Variants in DSCAML1 observed in about 807,000 individuals in gnomAD.
DSCAML1 encodes DS cell adhesion molecule like 1, also known as cell adhesion molecule DSCAML1.
Under a neutral mutation model 200.5 loss-of-function variants are expected in DSCAML1, and 38 were observed. That is an observed-to-expected ratio of 0.19 (90% CI 0.15 to 0.25). The LOEUF is 0.25. Ranked by LOEUF, DSCAML1 falls within the 10% of genes least tolerant of loss-of-function variation. DSCAML1 has a pLI of 1.00. For missense variants in DSCAML1, 2,223 were observed against 2,858.8 expected (o/e 0.78, Z 5.07); for synonymous variants, 1,215 against 1,165.0 (o/e 1.04, Z -0.87).
At chr11:117,533,085 A>C (rs1260888137) in intron 3 of DSCAML1, among the ~76,000 whole-genome samples, 1 of 152,138 alleles carries the variant, frequency 6.6e-6, no homozygotes, top group Non-Finnish European at 1.5e-5. Context: ...GGCTGCAGTG[A>C]GCCATGATCA....
At chr11:117,546,104 G>T (rs2050368476) in intron 3 of DSCAML1, among the ~76,000 whole-genome samples, 1 of 152,214 alleles carries the variant, frequency 6.6e-6, no homozygotes, top group Non-Finnish European at 1.5e-5. Flanking sequence ...CCCCCTTTCT[G>T]CACTGTAAAG....
At chr11:117,796,827 C>T (rs1049960364) in intron 1 of DSCAML1, among the ~76,000 whole-genome samples, 11 of 152,154 alleles carry the variant, frequency 7.2e-5, no homozygotes, top group Non-Finnish European at 1.6e-4. Context: ...AAACGGCAGA[C>T]GCGGGTGGCT....
At chr11:117,539,334 G>A (rs932956153) in intron 3 of DSCAML1, among the ~76,000 whole-genome samples, 5 of 152,080 alleles carry the variant, frequency 3.3e-5, no homozygotes, top group Non-Finnish European at 5.9e-5. Flanking sequence ...TAGGCTGGGC[G>A]CAGTGGCTCA....
chr11:117,786,660 A>C (rs1306141577), intron 1 of DSCAML1, among the ~76,000 whole-genome samples: 1 of 152,084 alleles, frequency 6.6e-6, no homozygotes, highest in African/African-American at 2.4e-5. Flanking sequence ...GTGTACACTG[A>C]ATTACCCCCA....
At chr11:117,475,796 T>C (rs1479898961) in intron 14 of DSCAML1, among the ~76,000 whole-genome samples, 1 of 152,124 alleles carries the variant, frequency 6.6e-6, no homozygotes, top group African/African-American at 2.4e-5. Context: ...ACTCCTTTTT[T>C]TCTTCTGCGT....
At chr11:117,721,727 C>A (rs1248170202) in intron 3 of DSCAML1, among the ~76,000 whole-genome samples, 1 of 144,490 alleles carries the variant, frequency 6.9e-6, no homozygotes, top group East Asian at 2.0e-4. Context: ...TATCATATAT[C>A]ATATATAAAT....
intron 3 of DSCAML1, among the ~76,000 whole-genome samples, chr11:117,640,420 A>G (rs550442477): frequency 7.4e-4 from 112 of 152,090 alleles, no homozygotes; most frequent in Non-Finnish European, 1.3e-3. Flanking sequence ...TACTTTAGAG[A>G]TGGGGTAAAG....
chr11:117,554,508 C>T (rs1334858602), intron 3 of DSCAML1, among the ~76,000 whole-genome samples: 3 of 152,108 alleles, frequency 2.0e-5, no homozygotes, highest in Non-Finnish European at 4.4e-5. Flanking sequence ...ATCCAAGTAG[C>T]TGGGACTACA....
rs377606545 is a variant in DSCAML1, at chr11:117,657,502, T to A, written c.511+119289A>T. 3.3e-5 allele frequency among the ~76,000 whole-genome samples: 5 copies of A among 152,316 alleles called. No homozygotes were observed. In the East Asian group the frequency reaches 5.8e-4, roughly 18 times the overall value. On this transcript the variant is annotated intron_variant, in intron 3 of 32. Transcript: ENST00000651296. ...CTTTTGTCAGACACTCATGTAACAA[T>A]CATATTTCCATTTTTGCTTTTGCTG...
At chr11:117,769,290 ATATAT>A (rs2054971238) in intron 3 of DSCAML1, among the ~76,000 whole-genome samples, 1 of 3,272 alleles carries the variant, frequency 3.1e-4, no homozygotes, top group Non-Finnish European at 3.5e-3. Flanking sequence ...TATATATTTT[ATATAT>A]TTATATATAT....
chr11:117,595,235 G>A (rs1460532549), intron 3 of DSCAML1, among the ~76,000 whole-genome samples: 1 of 152,130 alleles, frequency 6.6e-6, no homozygotes, highest in Non-Finnish European at 1.5e-5. Flanking sequence ...AAAGTCAGTG[G>A]AGCCACTGTC....
intron 6 of DSCAML1, among the ~76,000 whole-genome samples, chr11:117,519,939 T>C (rs2049855067): frequency 6.6e-6 from 1 of 152,236 alleles, no homozygotes; most frequent in African/African-American, 2.4e-5. Context: ...CCACAGGCTG[T>C]GACGAGGACA....
intron 11 of DSCAML1, among the ~76,000 whole-genome samples, chr11:117,494,896 G>C (rs902470584): frequency 6.6e-6 from 1 of 152,164 alleles, no homozygotes; most frequent in African/African-American, 2.4e-5. Flanking sequence ...CACCAGAAGA[G>C]GCAAAGAAGC....
intron 3 of DSCAML1, among the ~76,000 whole-genome samples, chr11:117,748,950 C>T (rs575882218): frequency 2.2e-4 from 33 of 152,334 alleles, no homozygotes; most frequent in African/African-American, 7.7e-4. Flanking sequence ...CAGTGCAGAG[C>T]TTGGCGGGTA....
Position 117,428,722 on chromosome 11 carries a change from A to C in DSCAML1, c.5768T>G (p.Val1923Gly). 1 of 1,613,186 alleles carries C rather than the reference A, an allele frequency of 6.2e-7. No individual in the cohort carries two copies. Among genetic ancestry groups the C allele is most frequent in the Non-Finnish European group, 8.5e-7 (1 of 1,179,758 alleles). The change falls in exon 33 of 33, where the codon GTC becomes GGC. Residue 1923 changes from valine (V) to glycine (G), a missense_variant. By Grantham distance (109) the Val-to-Gly change is moderately radical. Around this residue, in one of 7 missense-constraint regions of DSCAML1, gnomAD observed 280 missense variants for 213.4 expected, o/e 1.31. Coordinates refer to ENST00000651296, the MANE Select transcript of DSCAML1 (RefSeq NM_020693.4). ...KADGREPCPV[V>G]PPREASIRNL... is the part of the protein sequence containing the mutation. ...CCGGATGGAGGCCTCACGGGGTGGG[A>C]CCACGGGGCAGGGCTCACGTCCATC... is the stretch of plus-strand genomic sequence containing the variant.
intron 3 of DSCAML1, among the ~76,000 whole-genome samples, chr11:117,759,528 C>T (rs929769578): frequency 6.6e-5 from 10 of 152,130 alleles, no homozygotes; most frequent in African/African-American, 2.4e-4. Flanking sequence ...GCTATGACCT[C>T]GACTCCCAAC....
intron 3 of DSCAML1, among the ~76,000 whole-genome samples, chr11:117,577,256 T>A (rs1489243242): frequency 1.3e-5 from 2 of 152,040 alleles, no homozygotes; most frequent in Non-Finnish European, 2.9e-5. Flanking sequence ...TTAGAAAGTA[T>A]GGATGCCCTG....
At chr11:117,738,166 G>T (rs7931138) in intron 3 of DSCAML1, among the ~76,000 whole-genome samples, 21 of 152,244 alleles carry the variant, frequency 1.4e-4, no homozygotes, top group East Asian at 9.6e-4. Context: ...TGTTCTAGAA[G>T]GGGACAGTTT....
chr11:117,554,352 C>G, intron 3 of DSCAML1, among the ~76,000 whole-genome samples: 1 of 152,044 alleles, frequency 6.6e-6, no homozygotes, highest in East Asian at 1.9e-4. Flanking sequence ...ATACCATGGA[C>G]AAAAACATTT....
Sources: gnomAD v4.1 joint callset for allele counts (sites outside exome capture counted in the v4.1 genomes callset) on GRCh38, gnomAD v4.1.1 for gene constraint, gnomAD v4.1.1 regional missense constraint, MANE v1.5 for transcripts, NCBI Gene and HGNC (gene_info 2026-07-23, HGNC 2026-07-21) for gene names.